C4orf51: variants seen among roughly 807,000 people sequenced by gnomAD.
C4orf51 encodes the protein chromosome 4 open reading frame 51, also known as uncharacterized protein C4orf51.
Under a neutral mutation model 25.2 loss-of-function variants are expected in C4orf51, and 25 were observed. That is an observed-to-expected ratio of 0.99 (90% CI 0.72 to 1.39). C4orf51 has a LOEUF of 1.39. Among genes scored for constraint, C4orf51 ranks in the 40% most tolerant of loss-of-function variants. The pLI is 0.00. For synonymous variants in C4orf51, 100 were observed against 84.5 expected, an observed-to-expected ratio of 1.18 and a Z score of -1.01; for missense variants, 252 against 239.6, an observed-to-expected ratio of 1.05 and a Z score of -0.34.
In C4orf51 at chr4:145,731,564, C is replaced by CTTTTTTTTTTTT. The variant is rs398051305; in HGVS notation, c.502-867_502-856dup. On this transcript the variant is annotated intron_variant, in intron 5 of 5. Coordinates refer to ENST00000438731, the MANE Select transcript of C4orf51 (RefSeq NM_001080531.3). The stretch of plus-strand genomic sequence containing the variant: ...TTTTTATTTATGAGACAAGGCAAAT[C>CTTTTTTTTTTTT]TTTTTTTTTTTTTTTTTTTTTTTTT... Among the ~76,000 whole-genome samples, 31 of 43,876 alleles carry CTTTTTTTTTTTT rather than the reference C, an allele frequency of 7.1e-4. 3 individuals are homozygous for CTTTTTTTTTTTT. The highest frequency in any genetic ancestry group is 8.3e-4 in the Non-Finnish European group (22 of 26,418). 28.8% of individuals were successfully genotyped at this position (43,876 alleles called of 152,430 possible).
chr4:145,753,162 GTGTGTGTGTGTGTGTGTA>G lies in C4orf51; in HGVS notation n.168-1044_168-1027del, dbSNP rs944576314. Among the ~76,000 whole-genome samples the G allele has an allele frequency of 2.3e-4, 34 of 149,014 alleles. 1 individual carries two copies. The East Asian group carries it at 5.0e-3, about 22-fold the overall frequency. ...GTTTTGTGTGTGTGTGTGTGTGTGTGTGTGTGTGTGTGTGTGTAGTTGTTAAATTTGGTGTTTCTGGTG... is the reference window on the plus strand; with the variant it reads ...GTTTTGTGTGTGTGTGTGTGTGTGTGGTTGTTAAATTTGGTGTTTCTGGTG... On this transcript the variant is annotated intron_variant and non_coding_transcript_variant, in intron 1 of 1. Transcript: ENST00000508981.
chr4:145,721,617 C>G (rs1731745553), intron 2 of C4orf51, among the ~76,000 whole-genome samples: 1 of 152,158 alleles, frequency 6.6e-6, no homozygotes, highest in African/African-American at 2.4e-5. Context: ...GGAAGATATT[C>G]AAGTGTAAGG....
At chr4:145,703,882 T>C (rs1730625674) in intron 2 of C4orf51, among the ~76,000 whole-genome samples, 1 of 152,232 alleles carries the variant, frequency 6.6e-6, no homozygotes, top group Non-Finnish European at 1.5e-5. Flanking sequence ...GGCTCTTGGC[T>C]CTCTAAAGCT....
At chr4:145,714,046 G>A (rs1194234334) in intron 2 of C4orf51, among the ~76,000 whole-genome samples, 1 of 152,196 alleles carries the variant, frequency 6.6e-6, no homozygotes, top group Non-Finnish European at 1.5e-5. Context: ...GCCTCCCAAA[G>A]TGCTGGGATT....
At position 145,761,430 on chromosome 4, in the gene C4orf51, G is replaced by A. The variant is rs1035938711; in HGVS notation, n.167-9558G>A. The A allele has an allele frequency of 1.6e-6, 2 of 1,289,794 alleles. No homozygotes were observed. The highest frequency in any genetic ancestry group is 2.3e-5 in the Admixed American group (1 of 43,572). The allele number at this position is 1,289,794 out of a possible 1,614,324, so 79.9% of individuals were successfully genotyped here. On this transcript the variant is annotated intron_variant and non_coding_transcript_variant, in intron 1 of 1. Coordinates refer to the C4orf51 transcript ENST00000510096. The surrounding 1 kb of genome is among the most constrained non-coding windows in gnomAD (Gnocchi z 6.8). ...TCTTGGACAGGTAGCCGCACTGGTC[G>A]CACTTGTAGTGGTTGCCCAGGCGGT...
At chr4:145,748,868 A>G (rs1157143638) in intron 1 of C4orf51, among the ~76,000 whole-genome samples, 1 of 152,102 alleles carries the variant, frequency 6.6e-6, no homozygotes, top group African/African-American at 2.4e-5. Flanking sequence ...TGTTCTATAA[A>G]TATCGATTAG....
downstream of C4orf51, among the ~76,000 whole-genome samples, chr4:145,772,304 A>G (rs902527901): frequency 4.6e-5 from 7 of 152,202 alleles, no homozygotes; most frequent in Admixed American, 4.6e-4. Flanking sequence ...TTGGGAATAT[A>G]TACTGCTATA....
chr4:145,732,455 T>A lies in C4orf51; in HGVS notation c.504T>A (p.Leu168=). 1 of 1,607,176 alleles carries A rather than the reference T, an allele frequency of 6.2e-7. No homozygotes were observed. The highest frequency in any genetic ancestry group is 8.5e-7 in the Non-Finnish European group (1 of 1,176,546). ...ACAACCAGGCCATTTTTCTCCAGCT[T>A]CATGGACGGTGCGATTCTGAAAGCA... is the stretch of plus-strand genomic sequence containing the variant. The part of the protein sequence containing the change: ...SRRGKGVLKH[L]HGRCDSESKV... The change falls in exon 6 of 6, where the codon CTT becomes CTA. Residue 168 remains leucine, a splice_region_variant and synonymous_variant. Coordinates refer to ENST00000438731, the MANE Select transcript of C4orf51 (RefSeq NM_001080531.3).
chr4:145,712,905 C>T (rs1287122337), intron 2 of C4orf51, among the ~76,000 whole-genome samples: 2 of 152,004 alleles, frequency 1.3e-5, no homozygotes, highest in African/African-American at 2.4e-5. Context: ...AAGTTGAAGC[C>T]AAAGCTATTT....
downstream of C4orf51, among the ~76,000 whole-genome samples, chr4:145,736,714 TG>T (rs553039571): frequency 8.3e-4 from 126 of 152,314 alleles, no homozygotes; most frequent in Non-Finnish European, 1.4e-3. Flanking sequence ...GCGTTGCCAG[TG>T]TTTTATTTTT....
chr4:145,737,789 C>T (rs573092637), downstream of C4orf51, among the ~76,000 whole-genome samples: 1 of 152,314 alleles, frequency 6.6e-6, no homozygotes, highest in African/African-American at 2.4e-5. Context: ...TCTGTATCCT[C>T]TTGTACCTTT....
chr4:145,695,218 T>G (rs1314853054), intron 1 of C4orf51, among the ~76,000 whole-genome samples: 1 of 152,240 alleles, frequency 6.6e-6, no homozygotes, highest in African/African-American at 2.4e-5. Context: ...TGTAAAAGTG[T>G]TCTCTTTTCT....
the C4orf51 span, chr4:145,779,392 G>A: frequency 6.2e-7 from 1 of 1,614,164 alleles, no homozygotes. Flanking sequence ...AGCGAGAGGT[G>A]TCGGGACAAT....
rs547075220 is a variant in C4orf51, at chr4:145,729,297, A to ATTTTTTTT, written c.427+85_427+92dup. On this transcript the variant is annotated intron_variant, in intron 4 of 5. Transcript: ENST00000438731. ...CCTTTATTTTAATCGTGGTCATGTG[A>ATTTTTTTT]TTTTTTTTTTTTTTTTTTTTTTTTG... is the stretch of plus-strand genomic sequence containing the variant. 9.4e-4 allele frequency: 274 copies of ATTTTTTTT among 292,748 alleles called. 9 individuals carry two copies. Among genetic ancestry groups the ATTTTTTTT allele is most frequent in the African/African-American group, 2.2e-3 (44 of 20,378 alleles). 18.1% of individuals were successfully genotyped at this position (292,748 alleles called of 1,614,324 possible).
the C4orf51 span, chr4:145,779,306 G>A: frequency 6.4e-7 from 1 of 1,551,280 alleles, no homozygotes; most frequent in Non-Finnish European, 8.7e-7. Context: ...GAGAAACTCA[G>A]TTTCCGGAGA....
chr4:145,785,277 C>T, the C4orf51 span, among the ~76,000 whole-genome samples: 1 of 152,134 alleles, frequency 6.6e-6, no homozygotes, highest in African/African-American at 2.4e-5. Flanking sequence ...GCAAACTATG[C>T]TTCTTATAAC....
intron 2 of C4orf51, among the ~76,000 whole-genome samples, chr4:145,717,289 C>G (rs150486483): frequency 4.0e-4 from 61 of 152,280 alleles, no homozygotes; most frequent in African/African-American, 1.3e-3. Flanking sequence ...TAGTAAAGCA[C>G]TGGGAGGACG....
At chr4:145,719,988 C>T (rs947278391) in intron 2 of C4orf51, among the ~76,000 whole-genome samples, 5 of 152,042 alleles carry the variant, frequency 3.3e-5, no homozygotes, top group African/African-American at 9.7e-5. Context: ...TCGTGGCTTC[C>T]GAGCTTGGTT....
chr4:145,721,622 G>A (rs1290882440), intron 2 of C4orf51, among the ~76,000 whole-genome samples: 2 of 152,202 alleles, frequency 1.3e-5, no homozygotes, highest in African/African-American at 4.8e-5. Context: ...ATATTCAAGT[G>A]TAAGGCAACA....
Sources: gnomAD v4.1 joint callset for allele counts (sites outside exome capture counted in the v4.1 genomes callset) on GRCh38, gnomAD v4.1.1 for gene constraint, Gnocchi (gnomAD v3.1) non-coding constraint, MANE v1.5 for transcripts, NCBI Gene and HGNC (gene_info 2026-07-23, HGNC 2026-07-21) for gene names.